Variants in DLC1 observed in about 807,000 individuals in gnomAD.
DLC1 encodes rho GTPase-activating protein 7.
DLC1 carries 54 observed loss-of-function variants against 140.3 expected under a neutral mutation model. The ratio of observed to expected loss-of-function variants is 0.38; its 90% CI spans 0.31 to 0.48. DLC1 has a LOEUF of 0.48. Among genes scored for constraint, DLC1 ranks in the 20% least tolerant of loss-of-function variants. The pLI, the probability that DLC1 is intolerant of heterozygous loss-of-function variation, is 0.96. For synonymous variants in DLC1, 986 were observed against 728.1 expected (o/e 1.35, Z -5.70); for missense variants, 2,536 against 1,907.0 (o/e 1.33, Z -6.14).
At chr8:13,398,402 C>G (rs887935691) in intron 3 of DLC1, among the ~76,000 whole-genome samples, 1 of 152,058 alleles carries the variant, frequency 6.6e-6, no homozygotes, top group African/African-American at 2.4e-5. Flanking sequence ...AGAGACTGCA[C>G]TGGCACTGCT....
At chr8:13,454,852 C>T (rs770936377) in intron 2 of DLC1, among the ~76,000 whole-genome samples, 4 of 152,022 alleles carry the variant, frequency 2.6e-5, no homozygotes, top group Non-Finnish European at 5.9e-5. Flanking sequence ...TGTGCCTGGC[C>T]AAGAGTTTTG....
At chr8:13,505,769 C>T (rs1452286504) in intron 1 of DLC1, among the ~76,000 whole-genome samples, 1 of 152,188 alleles carries the variant, frequency 6.6e-6, no homozygotes, top group Non-Finnish European at 1.5e-5. Flanking sequence ...TCCTTTCCTT[C>T]CCTAACTCTC....
At chr8:13,093,811 A>G (rs1373868364) in intron 12 of DLC1, among the ~76,000 whole-genome samples, 1 of 152,250 alleles carries the variant, frequency 6.6e-6, no homozygotes, top group Non-Finnish European at 1.5e-5. Context: ...TTGAGCGCTA[A>G]GAGAGGCTGC....
chr8:13,503,449 C>T (rs959205088), intron 1 of DLC1, among the ~76,000 whole-genome samples: 13 of 152,104 alleles, frequency 8.5e-5, no homozygotes, highest in African/African-American at 2.9e-4. Flanking sequence ...CAATTGGAGA[C>T]ATTCTAGTTT....
chr8:13,568,993 G>A (rs374584591), intron 1 of DLC1, among the ~76,000 whole-genome samples: 2 of 152,268 alleles, frequency 1.3e-5, no homozygotes, highest in South Asian at 2.1e-4. Context: ...AGAGAAGAAC[G>A]CTTAAACAAA....
chr8:13,091,492 T>C, intron 13 of DLC1, 60 bp from the exon 14 acceptor site: 4 of 1,486,416 alleles, frequency 2.7e-6, no homozygotes, highest in Non-Finnish European at 3.7e-6. Flanking sequence ...TTCTTCAAGG[T>C]ATTATTCAAG....
chr8:13,185,602 C>T (rs1001258134), intron 5 of DLC1, among the ~76,000 whole-genome samples: 82 of 152,062 alleles, frequency 5.4e-4, no homozygotes, highest in African/African-American at 1.7e-3. Flanking sequence ...CCATGGCGCC[C>T]GGCCCAGTCT....
At chr8:13,352,759 G>C (rs1002223080) in intron 4 of DLC1, among the ~76,000 whole-genome samples, 1 of 152,050 alleles carries the variant, frequency 6.6e-6, no homozygotes, top group African/African-American at 2.4e-5. Flanking sequence ...TTTTTTTGGA[G>C]AGGAAGAATC....
Position 13,499,491 on chromosome 8 carries a change from C to G in DLC1, c.581G>C (p.Cys194Ser). 1 of 1,614,166 alleles carries G rather than the reference C, an allele frequency of 6.2e-7. No individual in the cohort carries two copies. The highest frequency in any genetic ancestry group is 8.5e-7 in the Non-Finnish European group (1 of 1,180,016). ...TDSISKSLEL[C>S]NEISLSEIKD... ...TATTTCACTTAAGCTTATTTCATTG[C>G]AAAGCTCCAGGCTTTTACTTATAGA... Residue 194 changes from cysteine to serine, a missense_variant, in exon 2 of 18, where the codon TGC (cysteine) becomes TCC (serine). Cys to Ser is a moderately radical substitution (Grantham distance 112). Coordinates refer to ENST00000276297, the MANE Select transcript of DLC1 (RefSeq NM_182643.3).
intron 2 of DLC1, among the ~76,000 whole-genome samples, chr8:13,429,721 G>A (rs1838771377): frequency 6.6e-6 from 1 of 152,086 alleles, no homozygotes; most frequent in Non-Finnish European, 1.5e-5. Context: ...TATCTATTTG[G>A]ATAGAATCTC....
At chr8:13,466,914 CAG>C (rs1799967750) in intron 2 of DLC1, among the ~76,000 whole-genome samples, 1 of 150,274 alleles carries the variant, frequency 6.7e-6, no homozygotes, top group African/African-American at 2.5e-5. Flanking sequence ...CATCAAATGT[CAG>C]AGTCAGTTAA....
intron 1 of DLC1, among the ~76,000 whole-genome samples, chr8:13,511,550 C>G (rs1264918826): frequency 2.0e-5 from 3 of 152,126 alleles, no homozygotes; most frequent in African/African-American, 4.8e-5. Context: ...CTGTATTTCT[C>G]TATCACACCA....
intron 5 of DLC1, among the ~76,000 whole-genome samples, chr8:13,237,573 C>G (rs775139938): frequency 2.0e-5 from 3 of 152,020 alleles, no homozygotes; most frequent in Non-Finnish European, 4.4e-5. Flanking sequence ...CAGCAATGTA[C>G]AGTGTACCCA....
intron 6 of DLC1, among the ~76,000 whole-genome samples, chr8:13,112,959 C>G (rs571268546): frequency 6.6e-6 from 1 of 152,238 alleles, no homozygotes; most frequent in Admixed American, 6.5e-5. Flanking sequence ...TTGAAATTTT[C>G]ATATGCCTAT....
In DLC1 at chr8:13,100,482, T is replaced by C; in HGVS notation, c.1855A>G (p.Asn619Asp). 6.2e-7 allele frequency: 1 copy of C among 1,613,028 alleles called. No homozygotes were observed. Among genetic ancestry groups the C allele is most frequent in the Non-Finnish European group, 8.5e-7 (1 of 1,179,938 alleles). ...PSEDAATPRT[N>D]SVISVCSSSN... Reference sequence around the variant, plus strand: ...GAGGAGCAAACGCTGATGACGGAGTTAGTCCGGGGGGTGGCAGCATCCTCG... The same window carrying C: ...GAGGAGCAAACGCTGATGACGGAGTCAGTCCGGGGGGTGGCAGCATCCTCG... Residue 619 changes from asparagine (N) to aspartate (D), a missense_variant, in exon 9 of 18, where the codon AAC (asparagine) becomes GAC (aspartate). Physicochemically the swap from Asn to Asp is conservative, Grantham distance 23. Coordinates refer to ENST00000276297, the MANE Select transcript of DLC1 (RefSeq NM_182643.3).
chr8:13,360,754 GA>G (rs1244364178), intron 4 of DLC1, among the ~76,000 whole-genome samples: 6 of 151,376 alleles, frequency 4.0e-5, no homozygotes, highest in Non-Finnish European at 2.9e-5. Context: ...AGAAAACAAT[GA>G]AAAAAATAAA....
chr8:13,323,352 G>T (rs994009936), intron 4 of DLC1, among the ~76,000 whole-genome samples: 1 of 152,096 alleles, frequency 6.6e-6, no homozygotes, highest in Non-Finnish European at 1.5e-5. Flanking sequence ...TTTTCTTAAA[G>T]CTCCTTTAGA....
At chr8:13,246,763 T>TCTGGAGA (rs1470206764) in intron 5 of DLC1, among the ~76,000 whole-genome samples, 2 of 152,114 alleles carry the variant, frequency 1.3e-5, no homozygotes, top group African/African-American at 2.4e-5. Context: ...TATTTAACTA[T>TCTGGAGA]CTGGAGATAG....
At chr8:13,346,002 A>T (rs1834316839) in intron 4 of DLC1, among the ~76,000 whole-genome samples, 1 of 152,250 alleles carries the variant, frequency 6.6e-6, no homozygotes, top group South Asian at 2.1e-4. Context: ...GAAGTTTTGT[A>T]AGCTACTTTG....
Sources: gnomAD v4.1 joint callset for allele counts (sites outside exome capture counted in the v4.1 genomes callset) on GRCh38, gnomAD v4.1.1 for gene constraint, MANE v1.5 for transcripts, NCBI Gene and HGNC (gene_info 2026-07-23, HGNC 2026-07-21) for gene names.